FGF12: variants seen among roughly 807,000 people sequenced by gnomAD.
The protein encoded by FGF12 is fibroblast growth factor 12B.
A neutral mutation model predicts 23.6 loss-of-function variants in FGF12; 14 were observed. That is an observed-to-expected ratio of 0.59 (90% CI 0.39 to 0.93). FGF12 has a LOEUF of 0.93. Among genes scored for constraint, FGF12 ranks in the 40% least tolerant of loss-of-function variants. The pLI, the probability that FGF12 is intolerant of heterozygous loss-of-function variation, is 0.00. For missense variants in FGF12, 175 were observed against 217.8 expected (o/e 0.80, Z 1.24); for synonymous variants, 62 against 77.3 (o/e 0.80, Z 1.04).
At chr3:192,289,019 C>T (rs988375347) in intron 4 of FGF12, among the ~76,000 whole-genome samples, 3 of 152,080 alleles carry the variant, frequency 2.0e-5, no homozygotes, top group African/African-American at 7.2e-5. Context: ...CTCACTGATA[C>T]TCAAGTCTAT....
intron 2 of FGF12, among the ~76,000 whole-genome samples, chr3:192,438,004 G>T (rs570121536): frequency 7.9e-5 from 12 of 152,264 alleles, no homozygotes; most frequent in African/African-American, 2.6e-4. Context: ...CCTTTCTATA[G>T]TGATGAATCC....
intron 2 of FGF12, among the ~76,000 whole-genome samples, chr3:192,496,639 T>C (rs1218384625): frequency 6.6e-6 from 1 of 152,168 alleles, no homozygotes; most frequent in Non-Finnish European, 1.5e-5. Flanking sequence ...TACCTCACTT[T>C]CTAGTTTCCT....
At chr3:192,634,669 C>T (rs1055716348) in intron 2 of FGF12, among the ~76,000 whole-genome samples, 7 of 151,848 alleles carry the variant, frequency 4.6e-5, no homozygotes, top group South Asian at 2.1e-4. Context: ...ATACTTTGTT[C>T]CAAGAAGGTG....
chr3:192,253,132 G>A (rs1392343880), intron 4 of FGF12, among the ~76,000 whole-genome samples: 1 of 152,110 alleles, frequency 6.6e-6, no homozygotes, highest in Non-Finnish European at 1.5e-5. Flanking sequence ...GACTCTGGAT[G>A]AGGAGATATG....
At chr3:192,280,183 T>C (rs902285368) in intron 4 of FGF12, among the ~76,000 whole-genome samples, 4 of 152,196 alleles carry the variant, frequency 2.6e-5, no homozygotes, top group Non-Finnish European at 5.9e-5. Context: ...ACAGCTGTTT[T>C]GGCAGCTTGT....
intron 4 of FGF12, among the ~76,000 whole-genome samples, chr3:192,178,505 CT>C (rs1017793337): frequency 1.3e-5 from 2 of 149,354 alleles, no homozygotes; most frequent in Admixed American, 6.7e-5. Context: ...AATCTAAACT[CT>C]TTTTTTTTTC....
rs1166476951 is a variant in FGF12, at chr3:192,727,204, T to G, written c.-11A>C. The G allele has an allele frequency of 5.7e-6, 9 of 1,578,682 alleles. No individual in the cohort carries two copies. Among genetic ancestry groups the G allele is most frequent in the Non-Finnish European group, 7.7e-6 (9 of 1,162,074 alleles). On this transcript the variant is annotated 5_prime_UTR_variant, in exon 2 of 6. Transcript: ENST00000445105. ...ACCTTTGCTCTCCATTTCGGTCCCT[T>G]TCGAGTGCTGGGAAGTTCAATGGAA...
At chr3:192,554,075 T>G (rs901901991) in intron 2 of FGF12, among the ~76,000 whole-genome samples, 1 of 152,236 alleles carries the variant, frequency 6.6e-6, no homozygotes, top group South Asian at 2.1e-4. Context: ...GACTAGATTC[T>G]GTCTTGCCTG....
Position 192,143,811 on chromosome 3 carries a change from C to T in FGF12, c.*198G>A. ...ATCTTTGTGCACGTGAATTTTCTAC[C>T]ACATTGCAACAAGCAAGCTTTGGTT... is the stretch of plus-strand genomic sequence containing the variant. On this transcript the variant is annotated 3_prime_UTR_variant, in exon 6 of 6. Transcript: ENST00000445105. 6.1e-6 allele frequency: 3 copies of T among 493,042 alleles called. No homozygotes were observed. Among genetic ancestry groups the T allele is most frequent in the South Asian group, 6.6e-5 (2 of 30,160 alleles). The allele number at this position is 493,042 out of a possible 1,614,324, so 30.5% of individuals were successfully genotyped here.
At chr3:192,670,311 T>A (rs1717063339) in intron 2 of FGF12, among the ~76,000 whole-genome samples, 3 of 152,170 alleles carry the variant, frequency 2.0e-5, no homozygotes, top group Admixed American at 2.0e-4. Context: ...TAATTTTAGT[T>A]ACTTATTTTT....
intron 2 of FGF12, among the ~76,000 whole-genome samples, chr3:192,712,157 T>C (rs1027862657): frequency 3.3e-5 from 5 of 149,264 alleles, no homozygotes; most frequent in East Asian, 2.0e-4. Flanking sequence ...ATCTAGAAAA[T>C]AGAGAAAAGA....
intron 3 of FGF12, among the ~76,000 whole-genome samples, chr3:192,348,074 G>T (rs1718044131): frequency 6.6e-6 from 1 of 152,052 alleles, no homozygotes; most frequent in African/African-American, 2.4e-5. Context: ...ATGATCCCTG[G>T]TATATACTAT....
chr3:192,243,077 G>T (rs1230132389), intron 4 of FGF12, among the ~76,000 whole-genome samples: 1 of 151,944 alleles, frequency 6.6e-6, no homozygotes, highest in African/African-American at 2.4e-5. Flanking sequence ...TCTATATTTA[G>T]AGACTATCAA....
At chr3:192,655,830 T>C (rs1716389418) in intron 2 of FGF12, among the ~76,000 whole-genome samples, 1 of 152,014 alleles carries the variant, frequency 6.6e-6, no homozygotes, top group African/African-American at 2.4e-5. Flanking sequence ...ATGATGATGT[T>C]TGCAAACCCG....
chr3:192,458,672 T>C (rs949786566), intron 2 of FGF12, among the ~76,000 whole-genome samples: 3 of 152,210 alleles, frequency 2.0e-5, no homozygotes, highest in African/African-American at 7.2e-5. Context: ...GGGATTTGCC[T>C]TGTCTCAGAT....
chr3:192,343,893 A>G (rs949799452), intron 3 of FGF12, among the ~76,000 whole-genome samples: 1 of 152,184 alleles, frequency 6.6e-6, no homozygotes, highest in Admixed American at 6.6e-5. Context: ...TTAACCCTCT[A>G]AAACAGCATT....
chr3:192,382,802 C>T (rs191754016), intron 2 of FGF12, among the ~76,000 whole-genome samples: 10 of 152,134 alleles, frequency 6.6e-5, no homozygotes, highest in Middle Eastern at 3.4e-3. Flanking sequence ...AAATGAATGC[C>T]TATATTTAAA....
intron 2 of FGF12, among the ~76,000 whole-genome samples, chr3:192,406,879 C>T (rs1392224459): frequency 1.3e-5 from 2 of 152,192 alleles, no homozygotes; most frequent in African/African-American, 2.4e-5. Context: ...ACCAACAGCA[C>T]GCCACAGTCA....
rs532936403 is a variant in FGF12 at position 192,725,828 on chromosome 3, C to A, written c.13+1353G>T. 9.2e-5 allele frequency among the ~76,000 whole-genome samples: 14 copies of A among 152,216 alleles called. No homozygotes were observed. In the South Asian group the frequency reaches 2.7e-3, roughly 29 times the overall value. On this transcript the variant is annotated intron_variant, in intron 2 of 5. Coordinates refer to ENST00000445105, the MANE Select transcript of FGF12 (RefSeq NM_004113.6). ...ACAAACCTTTATATGTTAAGGACTG[C>A]CTTTTTATTTTAAAATGGAGTATAA...
Sources: gnomAD v4.1 joint callset for allele counts (sites outside exome capture counted in the v4.1 genomes callset) on GRCh38, gnomAD v4.1.1 for gene constraint, MANE v1.5 for transcripts, NCBI Gene and HGNC (gene_info 2026-07-23, HGNC 2026-07-21) for gene names.